Variants in MID2 observed in about 807,000 individuals in gnomAD.
The protein encoded by MID2 is probable E3 ubiquitin-protein ligase MID2.
MID2 carries 13 observed loss-of-function variants against 46.1 expected under a neutral mutation model. The ratio of observed to expected loss-of-function variants is 0.28; its 90% CI spans 0.18 to 0.45. MID2 has a LOEUF of 0.45. Among genes scored for constraint, MID2 ranks in the 20% least tolerant of loss-of-function variants. The probability of loss-of-function intolerance (pLI) is 1.00; values close to 1 mark genes in which losing one functional copy is unlikely to be tolerated. For synonymous variants in MID2, 199 were observed against 212.3 expected (o/e 0.94, Z 0.55); for missense variants, 431 against 575.4 (o/e 0.75, Z 2.57).
chrX:107,858,011 A>G (rs1931779509), intron 3 of MID2, among the ~76,000 whole-genome samples: 1 of 112,210 alleles, frequency 8.9e-6, no homozygotes, highest in South Asian at 3.7e-4. Context: ...TAAAAGGGCC[A>G]TAAATACTGC....
chrX:107,866,476 C>CAA (rs1218376441), intron 3 of MID2, among the ~76,000 whole-genome samples: 4 of 86,520 alleles, frequency 4.6e-5, no homozygotes, highest in Admixed American at 1.3e-4. Flanking sequence ...CACACACACA[C>CAA]AACACTGACC....
At chrX:107,914,616 C>T (rs967342507) in intron 5 of MID2, among the ~76,000 whole-genome samples, 1 of 112,143 alleles carries the variant, frequency 8.9e-6, no homozygotes, top group Non-Finnish European at 1.9e-5. Context: ...CTCTAACCTA[C>T]ATATTATTGC....
At chrX:107,903,379 G>C (rs12845616) in intron 3 of MID2, among the ~76,000 whole-genome samples, 4,772 of 109,415 alleles carry the variant, frequency 0.044, 116 homozygotes, top group Middle Eastern at 0.18. Flanking sequence ...GATGTAGCCA[G>C]TATCCCAAAA....
intron 2 of MID2, among the ~76,000 whole-genome samples, chrX:107,843,904 C>T (rs1015174982): frequency 9.1e-6 from 1 of 109,808 alleles, no homozygotes; most frequent in Admixed American, 9.9e-5. Flanking sequence ...TGAGTATATT[C>T]CCCTGGCCCT....
intron 2 of MID2, among the ~76,000 whole-genome samples, chrX:107,845,525 A>ACTCTCT (rs766707051): frequency 1.3e-3 from 95 of 72,933 alleles, no homozygotes; most frequent in African/African-American, 6.4e-3. Flanking sequence ...ACACACACAC[A>ACTCTCT]CTCTCTCTCT....
intron 1 of MID2, among the ~76,000 whole-genome samples, chrX:107,831,835 G>A (rs755692026): frequency 6.5e-4 from 73 of 112,111 alleles, no homozygotes; most frequent in Non-Finnish European, 1.1e-3. Flanking sequence ...GGTAAATTAA[G>A]TTTGTTTTCC....
intron 7 of MID2, 70 bp downstream of exon 7, chrX:107,917,809 A>AT: frequency 3.1e-6 from 3 of 969,375 alleles, no homozygotes; most frequent in Non-Finnish European, 4.4e-6. Context: ...TCCCCAGGGC[A>AT]TTGCAAAGAC....
At chrX:107,887,964 G>A (rs1932500218) in intron 3 of MID2, among the ~76,000 whole-genome samples, 1 of 111,415 alleles carries the variant, frequency 9.0e-6, no homozygotes, top group African/African-American at 3.3e-5. Flanking sequence ...TGGGATCGGT[G>A]GTGATATCTC....
intron 1 of MID2, among the ~76,000 whole-genome samples, chrX:107,836,045 T>C (rs1386769767): frequency 8.9e-6 from 1 of 112,058 alleles, no homozygotes; most frequent in South Asian, 3.7e-4. Context: ...ATAAATGATA[T>C]GAAGTAGAAC....
At chrX:107,857,344 A>G (rs1052078653) in intron 3 of MID2, among the ~76,000 whole-genome samples, 1 of 107,202 alleles carries the variant, frequency 9.3e-6, no homozygotes, top group African/African-American at 3.4e-5. Flanking sequence ...GCAGTGGCAC[A>G]ATCTCGGCTC....
chrX:107,830,827 C>T (rs1931074809), intron 1 of MID2, among the ~76,000 whole-genome samples: 1 of 111,384 alleles, frequency 9.0e-6, no homozygotes, highest in Non-Finnish European at 1.9e-5. Flanking sequence ...TATTTACCTC[C>T]TCAATATATT....
At chrX:107,886,217 T>G (rs1260965660) in intron 3 of MID2, among the ~76,000 whole-genome samples, 1 of 112,212 alleles carries the variant, frequency 8.9e-6, no homozygotes, top group Non-Finnish European at 1.9e-5. Flanking sequence ...TCCTGAATGG[T>G]ATTGCCTAGG....
intron 7 of MID2, among the ~76,000 whole-genome samples, chrX:107,923,368 G>A (rs750293854): frequency 3.6e-5 from 4 of 111,791 alleles, no homozygotes; most frequent in East Asian, 2.8e-4. Flanking sequence ...TTCTTTTACC[G>A]AAAGCTTGCC....
At chrX:107,901,858 C>T (rs986311290) in intron 3 of MID2, among the ~76,000 whole-genome samples, 1 of 111,314 alleles carries the variant, frequency 9.0e-6, no homozygotes, top group African/African-American at 3.3e-5. Context: ...CAATCTCGGG[C>T]AAAGGCACAG....
rs143183058 is a variant in MID2, at chrX:107,833,201, G to A, written c.4+6771G>A. 8.7e-3 allele frequency among the ~76,000 whole-genome samples: 968 copies of A among 110,885 alleles called. 13 individuals are homozygous for A. Among genetic ancestry groups the A allele is most frequent in the African/African-American group, 0.03 (912 of 30,532 alleles). On this transcript the variant is annotated intron_variant, in intron 1 of 9. Coordinates refer to ENST00000262843, the MANE Select transcript of MID2 (RefSeq NM_012216.4). The stretch of plus-strand genomic sequence containing the variant: ...CTTTTTATGTGGTAACAGATAGCAA[G>A]AGCTCTATAATAATCGGATGTCAGA...
chrX:107,832,479 C>T (rs1931109182), intron 1 of MID2, among the ~76,000 whole-genome samples: 1 of 111,610 alleles, frequency 9.0e-6, no homozygotes, highest in Non-Finnish European at 1.9e-5. Flanking sequence ...ATGAGAATAC[C>T]TGTATTTGTA....
intron 2 of MID2, among the ~76,000 whole-genome samples, chrX:107,846,570 G>A (rs1931484841): frequency 9.0e-6 from 1 of 111,311 alleles, no homozygotes. Context: ...TTTCATGTGT[G>A]TATGAGGATA....
At chrX:107,901,621 C>G (rs1033757208) in intron 3 of MID2, among the ~76,000 whole-genome samples, 8 of 111,079 alleles carry the variant, frequency 7.2e-5, no homozygotes, top group African/African-American at 2.3e-4. Context: ...TTCTTGCCCT[C>G]CAGAACTCAT....
At chrX:107,844,305 G>T (rs1347361274) in intron 2 of MID2, among the ~76,000 whole-genome samples, 2 of 111,309 alleles carry the variant, frequency 1.8e-5, no homozygotes, top group African/African-American at 6.5e-5. Flanking sequence ...ATAGGGTTGA[G>T]ACGCAGGACA....
Sources: gnomAD v4.1 joint callset for allele counts (sites outside exome capture counted in the v4.1 genomes callset) on GRCh38, gnomAD v4.1.1 for gene constraint, MANE v1.5 for transcripts, NCBI Gene and HGNC (gene_info 2026-07-23, HGNC 2026-07-21) for gene names.